Variants in ABCC5 observed in about 807,000 individuals in gnomAD.
ABCC5 encodes ATP-binding cassette sub-family C member 5.
In ABCC5, 61 loss-of-function variants were observed where a neutral mutation model predicts 160.9. That is an observed-to-expected ratio of 0.38 (90% CI 0.31 to 0.47). ABCC5 has a LOEUF of 0.47. Ranked by LOEUF, ABCC5 falls within the 20% of genes least tolerant of loss-of-function variation. The pLI, the probability that ABCC5 is intolerant of heterozygous loss-of-function variation, is 0.99. For missense variants in ABCC5, 1,308 were observed against 1,813.3 expected (o/e 0.72, Z 5.06); for synonymous variants, 666 against 700.6 (o/e 0.95, Z 0.78).
rs1483851305 is a variant in ABCC5, at chr3:183,942,710, G to T, written c.3694+17C>A. ...CTACGTTCCAATGGATTCAAAGAAG[G>T]CTTTGCACATCCTTACCTGATCCTG... On this transcript the variant is annotated intron_variant, in intron 25 of 29. Coordinates refer to ENST00000334444, the MANE Select transcript of ABCC5 (RefSeq NM_005688.4). 17 of 1,608,106 alleles carry T rather than the reference G, an allele frequency of 1.1e-5. No individual in the cohort carries two copies. Among genetic ancestry groups the T allele is most frequent in the Non-Finnish European group, 1.4e-5 (16 of 1,175,574 alleles).
intron 2 of ABCC5, among the ~76,000 whole-genome samples, chr3:183,990,766 C>T (rs570349974): frequency 1.3e-5 from 2 of 152,234 alleles, no homozygotes; most frequent in South Asian, 4.1e-4. Context: ...TATAAATGTT[C>T]GTTCATTAGA....
rs372621204 is a variant in ABCC5 at position 183,963,429 on chromosome 3, G to A, written c.2191C>T (p.His731Tyr). Residue 731 changes from histidine (H) to tyrosine (Y), a missense_variant, in exon 15 of 30, where the codon CAT becomes TAT. Physicochemically the swap from His to Tyr is moderately conservative, Grantham distance 83. Transcript: ENST00000334444. This position sits in a 1 kb window ranked among gnomAD's most constrained non-coding sequence, Gnocchi z 4.6. ...NHIFNSAIRK[H>Y]LKSKTVLFVT... Reference sequence around the variant, plus strand: ...AACAGAACTGTCTTGGACTTGAGATGTTTCCGGATAGCACTATTGAAGATG... The same window carrying A: ...AACAGAACTGTCTTGGACTTGAGATATTTCCGGATAGCACTATTGAAGATG... The A allele has an allele frequency of 6.2e-7, 1 of 1,614,144 alleles. No individual in the cohort carries two copies. The highest frequency in any genetic ancestry group is 1.3e-5 in the African/African-American group (1 of 74,946).
chr3:183,992,861 A>G (rs1719903796), intron 2 of ABCC5, among the ~76,000 whole-genome samples: 1 of 152,238 alleles, frequency 6.6e-6, no homozygotes, highest in South Asian at 2.1e-4. Context: ...AGGGGTTGAC[A>G]AACATTTTCT....
At chr3:183,954,139 T>C (rs1193233839) in intron 17 of ABCC5, among the ~76,000 whole-genome samples, 1 of 144,038 alleles carries the variant, frequency 6.9e-6, no homozygotes, top group African/African-American at 2.7e-5. Flanking sequence ...TTGGTTGGTC[T>C]CATGTTTTGT....
chr3:183,938,305 A>T (rs1389672876), intron 25 of ABCC5, among the ~76,000 whole-genome samples: 5 of 148,372 alleles, frequency 3.4e-5, no homozygotes, highest in African/African-American at 7.4e-5. Flanking sequence ...TTCCATTTTC[A>T]TTTTTTTTTT....
intron 17 of ABCC5, among the ~76,000 whole-genome samples, chr3:183,957,982 A>C (rs1320844689): frequency 9.6e-6 from 1 of 104,484 alleles, no homozygotes; most frequent in Admixed American, 1.1e-4. Context: ...ATCCGTGTGT[A>C]CATCACATCG....
chr3:183,925,796 GTATTT>G, intron 28 of ABCC5, 77 bp from the exon 29 acceptor site: 1 of 1,348,848 alleles, frequency 7.4e-7, no homozygotes, highest in Non-Finnish European at 1.0e-6. Context: ...TTACTAAAAT[GTATTT>G]CATTTAAGTT....
At chr3:184,009,011 T>G (rs1721469772) in intron 2 of ABCC5, among the ~76,000 whole-genome samples, 1 of 152,112 alleles carries the variant, frequency 6.6e-6, no homozygotes, top group African/African-American at 2.4e-5. Context: ...CACAAACCCC[T>G]GTGCCCAGCT....
At chr3:184,005,630 A>C (rs1721121276) in intron 2 of ABCC5, among the ~76,000 whole-genome samples, 1 of 138,480 alleles carries the variant, frequency 7.2e-6, no homozygotes, top group Non-Finnish European at 1.6e-5. Flanking sequence ...CATTAAAAAA[A>C]GCATGAACAG....
chr3:183,961,787 T>C, intron 15 of ABCC5, 133 bp from the exon 16 acceptor site: 1 of 482,416 alleles, frequency 2.1e-6, no homozygotes, highest in Non-Finnish European at 3.0e-6. Context: ...TCTGGAGACA[T>C]TTTTTTTTTT....
Position 183,987,952 on chromosome 3 carries a change from C to A in ABCC5, c.444-35G>T, listed in dbSNP as rs201396445. Reference sequence around the variant, plus strand: ...GGCACACGTCCTCGTTACACATCTCCTCGGGGGAAAGGCACACCTAGCTCC... The same window carrying A: ...GGCACACGTCCTCGTTACACATCTCATCGGGGGAAAGGCACACCTAGCTCC... On this transcript the variant is annotated intron_variant, in intron 4 of 29. Transcript: ENST00000334444. The surrounding 1 kb of genome is among the most constrained non-coding windows in gnomAD (Gnocchi z 4.2). 6.2e-7 allele frequency: 1 copy of A among 1,605,350 alleles called. No individual in the cohort carries two copies. The highest frequency in any genetic ancestry group is 8.5e-7 in the Non-Finnish European group (1 of 1,175,070).
Position 183,951,799 on chromosome 3 carries a change from CCAAAGCCTGA to C in ABCC5, c.2814+48_2814+57del. 6.3e-6 allele frequency: 10 copies of C among 1,589,182 alleles called. No homozygotes were observed. The highest frequency in any genetic ancestry group is 8.6e-6 in the Non-Finnish European group (10 of 1,166,448). On this transcript the variant is annotated intron_variant, in intron 19 of 29. Transcript: ENST00000334444. The surrounding 1 kb of genome is among the most constrained non-coding windows in gnomAD (Gnocchi z 4.7). ...TCAGCATGAACTGAGAGACGCCACA[CCAAAGCCTGA>C]CCACAGGTCACCAGGGAGGAGGGCA...
At chr3:183,961,481 G>A (rs768821839) in intron 16 of ABCC5, 30 bp downstream of exon 16, 9 of 1,611,328 alleles carry the variant, frequency 5.6e-6, no homozygotes, top group Non-Finnish European at 7.6e-6. Flanking sequence ...GAGACAGAAG[G>A]GGACACACGC....
chr3:183,982,330 C>T lies in ABCC5; in HGVS notation c.999+121G>A, dbSNP rs1321552004. The T allele has an allele frequency of 4.3e-6, 5 of 1,174,024 alleles. No homozygotes were observed. In the South Asian group the frequency reaches 6.4e-5, roughly 15 times the overall value. 72.7% of individuals were successfully genotyped at this position (1,174,024 alleles called of 1,614,324 possible). On this transcript the variant is annotated intron_variant, in intron 7 of 29. Transcript: ENST00000334444. The surrounding 1 kb of genome is among the most constrained non-coding windows in gnomAD (Gnocchi z 5.2). The stretch of plus-strand genomic sequence containing the variant: ...AAGCACTATCGAGCTCTAGATTGAA[C>T]CTGCTTTGAGGAAATTTCCAATCAG...
Position 183,937,909 on chromosome 3 carries a change from G to A in ABCC5, c.3846C>T (p.Gly1282=). 1 of 1,614,122 alleles carries A rather than the reference G, an allele frequency of 6.2e-7. No individual in the cohort carries two copies. The highest frequency in any genetic ancestry group is 2.2e-5 in the East Asian group (1 of 44,880). The stretch of plus-strand genomic sequence containing the variant: ...GGTGCTCAGGTCCTCACCTGACAGT[G>A]CCACTGAACAGCACCGGCTCTTGAG... ...IIPQEPVLFS[G]TVRSNLDPFN... Residue 1282 remains glycine, a synonymous_variant, in exon 26 of 30, where the codon GGC becomes GGT. Transcript: ENST00000334444.
In ABCC5 at chr3:183,982,458, G is replaced by T; in HGVS notation, c.992C>A (p.Pro331Gln). 6.2e-7 allele frequency: 1 copy of T among 1,613,664 alleles called. No individual in the cohort carries two copies. Among genetic ancestry groups the T allele is most frequent in the South Asian group, 1.1e-5 (1 of 90,986 alleles). ...GCTGGGAGGCTTACTCACCATTGCT[G>T]GGTAAAAGAGGATAAAAACAGCTGA... is the stretch of plus-strand genomic sequence containing the variant. ...LGSAVFILFY[P>Q]AMMFASRLTA... Residue 331 changes from proline to glutamine, a missense_variant, in exon 7 of 30, where the codon CCA (proline) becomes CAA (glutamine). By Grantham distance (76) the Pro-to-Gln change is moderately conservative (BLOSUM62 -1). Around this residue, in one of 3 missense-constraint regions of ABCC5, gnomAD observed 1,142 missense variants for 1,527.1 expected, o/e 0.75. Coordinates refer to ENST00000334444, the MANE Select transcript of ABCC5 (RefSeq NM_005688.4). The surrounding 1 kb of genome is among the most constrained non-coding windows in gnomAD (Gnocchi z 5.2).
At chr3:183,947,208 G>C (rs569522254) in intron 23 of ABCC5, 116 bp downstream of exon 23, 1 of 1,119,496 alleles carries the variant, frequency 8.9e-7, no homozygotes, top group Non-Finnish European at 1.2e-6. Context: ...GCAATTCTAG[G>C]GGTCCAGAGG....
At position 183,958,834 on chromosome 3, in the gene ABCC5, G is replaced by A. The variant is rs568859745; in HGVS notation, c.2482+899C>T. Among the ~76,000 whole-genome samples, 33 of 151,918 alleles carry A rather than the reference G, an allele frequency of 2.2e-4. No homozygotes were observed. In the South Asian group the frequency reaches 4.4e-3, roughly 20 times the overall value. On this transcript the variant is annotated intron_variant, in intron 17 of 29. Coordinates refer to ENST00000334444, the MANE Select transcript of ABCC5 (RefSeq NM_005688.4). ...AGGCTGGTCCTGAACTCCTGGGCCC[G>A]AGCAATCTTCCCACCTCAGCCTCCC... is the stretch of plus-strand genomic sequence containing the variant.
At chr3:183,944,755 T>A (rs1714687129) in intron 24 of ABCC5, among the ~76,000 whole-genome samples, 2 of 152,198 alleles carry the variant, frequency 1.3e-5, no homozygotes, top group African/African-American at 4.8e-5. Context: ...TTTAAGCTCA[T>A]CAGCTATCGT....
Sources: allele counts gnomAD v4.1 joint callset (sites outside exome capture counted in the v4.1 genomes callset), GRCh38; gene constraint gnomAD v4.1.1; regional missense constraint gnomAD v4.1.1; non-coding constraint Gnocchi (gnomAD v3.1); transcripts MANE v1.5; gene names NCBI Gene and HGNC (gene_info 2026-07-23, HGNC 2026-07-21).